The following VPS13B variants were observed in gnomAD, a reference collection of about 807,000 sequenced individuals.
The protein encoded by VPS13B is vacuolar protein sorting 13 homolog B.
VPS13B carries 285 observed loss-of-function variants against 426.4 expected under a neutral mutation model. The observed-to-expected ratio is 0.67, with a 90% confidence interval of 0.61 to 0.74. VPS13B has a LOEUF of 0.74. Ranked by LOEUF, VPS13B falls within the 30% of genes least tolerant of loss-of-function variation. The pLI is 0.00. For missense variants in VPS13B, 4,537 were observed against 4,782.6 expected, an observed-to-expected ratio of 0.95 and a Z score of 1.51; for synonymous variants, 1,676 against 1,676.4, an observed-to-expected ratio of 1.00 and a Z score of 0.01.
chr8:99,034,630 G>T (rs1437149791), intron 2 of VPS13B, among the ~76,000 whole-genome samples: 2 of 152,082 alleles, frequency 1.3e-5, no homozygotes, highest in African/African-American at 4.8e-5. Flanking sequence ...ACCCTGGCAA[G>T]ACCCTGTTGG....
At chr8:99,343,914 T>C (rs1811386785) in intron 19 of VPS13B, among the ~76,000 whole-genome samples, 1 of 152,226 alleles carries the variant, frequency 6.6e-6, no homozygotes, top group African/African-American at 2.4e-5. Flanking sequence ...ATTTACAGAT[T>C]AGTGCAATCC....
chr8:99,224,680 A>G (rs1174785016), intron 17 of VPS13B, among the ~76,000 whole-genome samples: 1 of 152,226 alleles, frequency 6.6e-6, no homozygotes, highest in African/African-American at 2.4e-5. Context: ...GTATAGCATG[A>G]CTGTTTTTAA....
intron 37 of VPS13B, among the ~76,000 whole-genome samples, chr8:99,719,910 C>T (rs372837688): frequency 3.3e-5 from 5 of 152,182 alleles, no homozygotes; most frequent in South Asian, 2.1e-4. Context: ...AGAAAGAAAC[C>T]CTATAATAAG....
intron 28 of VPS13B, among the ~76,000 whole-genome samples, chr8:99,507,577 A>G (rs530022311): frequency 6.6e-6 from 1 of 152,340 alleles, no homozygotes; most frequent in East Asian, 1.9e-4. Context: ...ACTAAAAGCA[A>G]TTATTTTTTG....
chr8:99,470,720 G>GA (rs35794375), intron 24 of VPS13B, among the ~76,000 whole-genome samples: 25,820 of 139,908 alleles, frequency 0.18, 2,716 homozygotes, highest in East Asian at 0.4. Flanking sequence ...GATTGGGATA[G>GA]AAAAAAAAAA....
intron 19 of VPS13B, among the ~76,000 whole-genome samples, chr8:99,371,194 T>G (rs932469848): frequency 1.3e-5 from 2 of 152,220 alleles, no homozygotes; most frequent in African/African-American, 4.8e-5. Context: ...ACACCACAGT[T>G]TGTTGAACCA....
At position 99,853,952 on chromosome 8, in the gene VPS13B, C is replaced by T; in HGVS notation, c.10563C>T (p.Asp3521=). The change falls in exon 56 of 62, where the codon GAC becomes GAT. Residue 3521 remains aspartate (D), a synonymous_variant. Transcript: ENST00000357162. ...TFVYYIKTLF[D]TYLPNSRLAG... ...TATACTACATCAAGACTTTGTTTGA[C>T]ACCTACCTTCCTAACAGCAGGTTGG... 1 of 1,614,242 alleles carries T rather than the reference C, an allele frequency of 6.2e-7. No individual in the cohort carries two copies. The highest frequency in any genetic ancestry group is 2.2e-5 in the East Asian group (1 of 44,890).
At chr8:99,467,303 A>G (rs1819161958) in intron 23 of VPS13B, 111 bp from the exon 24 acceptor site, 4 of 1,121,888 alleles carry the variant, frequency 3.6e-6, no homozygotes, top group East Asian at 2.4e-5. Context: ...TTCACTTTTT[A>G]TGATGCAGTA....
chr8:99,367,180 A>G (rs903375831), intron 19 of VPS13B, among the ~76,000 whole-genome samples: 5 of 152,218 alleles, frequency 3.3e-5, no homozygotes, highest in African/African-American at 1.2e-4. Flanking sequence ...CTTTTAGGAC[A>G]GGTCTGGTGT....
chr8:99,422,799 C>T (rs1434919826), intron 21 of VPS13B, among the ~76,000 whole-genome samples: 2 of 152,112 alleles, frequency 1.3e-5, no homozygotes, highest in Non-Finnish European at 2.9e-5. Context: ...TCATCATTTC[C>T]ATTTTTCCCT....
intron 4 of VPS13B, among the ~76,000 whole-genome samples, chr8:99,099,535 G>A (rs1846615409): frequency 6.6e-6 from 1 of 152,148 alleles, no homozygotes; most frequent in African/African-American, 2.4e-5. Context: ...ATAAGATACA[G>A]TCTTTTTTCT....
intron 33 of VPS13B, among the ~76,000 whole-genome samples, chr8:99,582,813 G>A (rs369209650): frequency 1.5e-4 from 23 of 152,064 alleles, no homozygotes; most frequent in Admixed American, 6.5e-4. Flanking sequence ...CCGCCACCAC[G>A]CCCGGCTAAT....
At chr8:99,762,837 G>A (rs561071919) in intron 39 of VPS13B, among the ~76,000 whole-genome samples, 7 of 151,942 alleles carry the variant, frequency 4.6e-5, no homozygotes, top group African/African-American at 7.2e-5. Context: ...ACTTGTGTTA[G>A]AAAAATTAAT....
rs147448147 is a variant in VPS13B, at chr8:99,134,714, G to C, written c.1289G>C (p.Gly430Ala). The change falls in exon 9 of 62, where the codon GGA becomes GCA. Residue 430 changes from glycine to alanine, a missense_variant. Physicochemically the swap from Gly to Ala is moderately conservative, Grantham distance 60. Around this residue, in one of 2 missense-constraint regions of VPS13B, gnomAD observed 4,311 missense variants for 4,474.3 expected, o/e 0.96. Coordinates refer to ENST00000357162, the MANE Select transcript of VPS13B (RefSeq NM_152564.5). ...GAAGTATTGTGTTGGGAACAAGAAG[G>C]AACTACAGTTGAGGTAATCTTTCAA... ...SKEVLCWEQE[G>A]TTVEALMMGE... The C allele has an allele frequency of 1.2e-4, 192 of 1,607,868 alleles. No homozygotes were observed. The highest frequency in any genetic ancestry group is 1.5e-4 in the Non-Finnish European group (173 of 1,176,094).
intron 3 of VPS13B, among the ~76,000 whole-genome samples, chr8:99,073,755 A>T (rs375871742): frequency 3.2e-3 from 74 of 23,384 alleles, no homozygotes; most frequent in Admixed American, 4.6e-3. Flanking sequence ...TCTTTCTTTT[A>T]TTTTTTGTTT....
intron 39 of VPS13B, among the ~76,000 whole-genome samples, chr8:99,732,493 T>G (rs1833646757): frequency 6.6e-6 from 1 of 152,170 alleles, no homozygotes; most frequent in African/African-American, 2.4e-5. Flanking sequence ...TTTTGTCACA[T>G]GGCCACACCA....
chr8:99,744,722 A>C (rs1302507602), intron 39 of VPS13B, among the ~76,000 whole-genome samples: 1 of 152,122 alleles, frequency 6.6e-6, no homozygotes, highest in African/African-American at 2.4e-5. Flanking sequence ...TCTCAAGAAC[A>C]AAAAACCAAA....
intron 8 of VPS13B, among the ~76,000 whole-genome samples, chr8:99,123,715 A>G (rs1848057881): frequency 6.6e-6 from 1 of 152,122 alleles, no homozygotes; most frequent in Non-Finnish European, 1.5e-5. Context: ...AAGGTCAAAT[A>G]GGCAGAATTT....
chr8:99,634,219 A>C (rs1478330913), intron 33 of VPS13B, among the ~76,000 whole-genome samples: 2 of 151,984 alleles, frequency 1.3e-5, no homozygotes, highest in African/African-American at 4.8e-5. Flanking sequence ...GGATACATAT[A>C]CTTTTTTTTT....
Sources: allele counts gnomAD v4.1 joint callset (sites outside exome capture counted in the v4.1 genomes callset), GRCh38; gene constraint gnomAD v4.1.1; regional missense constraint gnomAD v4.1.1; transcripts MANE v1.5; gene names NCBI Gene and HGNC (gene_info 2026-07-23, HGNC 2026-07-21).